Variants in PNOC observed in about 807,000 individuals in gnomAD.
PNOC encodes the protein prepronociceptin.
Under a neutral mutation model 15.6 loss-of-function variants are expected in PNOC, and 10 were observed. The ratio of observed to expected loss-of-function variants is 0.64; its 90% CI spans 0.40 to 1.09. The LOEUF (loss-of-function observed/expected upper bound fraction) is 1.09. PNOC is among the 50% of genes least tolerant of loss of function. The pLI, the probability that PNOC is intolerant of heterozygous loss-of-function variation, is 0.01. For missense variants in PNOC, 220 were observed against 223.9 expected (o/e 0.98, Z 0.11); for synonymous variants, 98 against 88.5 (o/e 1.11, Z -0.60).
At chr8:28,334,821 G>A (rs1392231948) in intron 2 of PNOC, among the ~76,000 whole-genome samples, 1 of 152,142 alleles carries the variant, frequency 6.6e-6, no homozygotes, top group African/African-American at 2.4e-5. Flanking sequence ...GAATACTCCA[G>A]AAGTTTGCAA....
chr8:28,327,806 C>T (rs2614096), intron 1 of PNOC, among the ~76,000 whole-genome samples: 1 of 151,424 alleles, frequency 6.6e-6, no homozygotes, highest in Non-Finnish European at 1.5e-5. Flanking sequence ...ATGAGCCACT[C>T]TGCCCTGCCA....
At chr8:28,335,028 G>A (rs138359032) in intron 2 of PNOC, among the ~76,000 whole-genome samples, 1,566 of 152,298 alleles carry the variant, frequency 0.01, 19 homozygotes, top group Non-Finnish European at 0.018. Context: ...AAACCACGGC[G>A]TGAGCATCAC....
chr8:28,321,206 A>ATTTTT (rs34876674), intron 1 of PNOC, among the ~76,000 whole-genome samples: 42 of 122,770 alleles, frequency 3.4e-4, no homozygotes, highest in East Asian at 1.2e-3. Context: ...ACCTAGCTAA[A>ATTTTT]TTTTTTTTTT....
At chr8:28,336,490 G>A (rs567231067) in intron 2 of PNOC, among the ~76,000 whole-genome samples, 6 of 152,280 alleles carry the variant, frequency 3.9e-5, no homozygotes, top group Non-Finnish European at 7.3e-5. Context: ...AGAGAGAAAG[G>A]CATGCAGGTG....
chr8:28,320,326 C>T lies in PNOC; in HGVS notation c.-24+3010C>T, dbSNP rs146922113. On this transcript the variant is annotated intron_variant, in intron 1 of 3. Coordinates refer to ENST00000301908, the MANE Select transcript of PNOC (RefSeq NM_006228.5). ...TTCCCCATTCATCCTTTCATTCATT[C>T]GGCCAAGGAACGTGTGTGGGGTTCC... 3.3e-3 allele frequency among the ~76,000 whole-genome samples: 506 copies of T among 151,782 alleles called. 3 individuals are homozygous for T. The highest frequency in any genetic ancestry group is 0.011 in the African/African-American group (450 of 41,368).
In PNOC at chr8:28,334,502, T is replaced by C. The variant is rs193016004; in HGVS notation, c.127-4538T>C. 4.0e-5 allele frequency among the ~76,000 whole-genome samples: 6 copies of C among 151,572 alleles called. No individual in the cohort carries two copies. In the East Asian group the frequency reaches 9.7e-4, roughly 24 times the overall value. On this transcript the variant is annotated intron_variant, in intron 2 of 3. Coordinates refer to ENST00000301908, the MANE Select transcript of PNOC (RefSeq NM_006228.5). ...TGCATTCTAACAAACTCCAGTAGCA[T>C]TTTTTTTTCTTTGAGACAGTCCCGT...
chr8:28,325,808 C>G (rs76607740), intron 1 of PNOC, among the ~76,000 whole-genome samples: 13,489 of 151,822 alleles, frequency 0.089, 675 homozygotes, highest in Middle Eastern at 0.12. Context: ...CCTTGGAGCT[C>G]CCCCTGACAG....
chr8:28,334,204 T>G (rs994359506), intron 2 of PNOC, among the ~76,000 whole-genome samples: 1 of 152,192 alleles, frequency 6.6e-6, no homozygotes, highest in African/African-American at 2.4e-5. Context: ...GATTCTGATC[T>G]GAAAGAATAT....
rs1801556776 is a variant in PNOC, at chr8:28,343,258, A to G, written c.*364A>G. Reference sequence around the variant, plus strand: ...ATTGAACCTGGGGTTTTGACTTGCCACTGCCATAACTTGTTTGTAAAAGAG... The same window carrying G: ...ATTGAACCTGGGGTTTTGACTTGCCGCTGCCATAACTTGTTTGTAAAAGAG... On this transcript the variant is annotated 3_prime_UTR_variant, in exon 4 of 4. Coordinates refer to ENST00000301908, the MANE Select transcript of PNOC (RefSeq NM_006228.5). 1.3e-5 allele frequency: 2 copies of G among 152,730 alleles called. No individual in the cohort carries two copies. The highest frequency in any genetic ancestry group is 6.5e-5 in the Admixed American group (1 of 15,292). The allele number at this position is 152,730 out of a possible 1,614,324, so 9.5% of individuals were successfully genotyped here. A position where few individuals can be genotyped will look rare whatever the true frequency, so the allele number is the denominator to read the frequency against.
At chr8:28,318,844 C>T (rs544160812) in intron 1 of PNOC, among the ~76,000 whole-genome samples, 1 of 152,236 alleles carries the variant, frequency 6.6e-6, no homozygotes, top group Non-Finnish European at 1.5e-5. Context: ...CAGCTGAAGG[C>T]TGAGAGTACT....
intron 2 of PNOC, among the ~76,000 whole-genome samples, chr8:28,338,204 C>G (rs1292522523): frequency 6.6e-6 from 1 of 152,118 alleles, no homozygotes; most frequent in Non-Finnish European, 1.5e-5. Flanking sequence ...AAGCTGGGGG[C>G]AGAGGCTTCC....
chr8:28,328,943 C>A (rs374718929), intron 1 of PNOC, among the ~76,000 whole-genome samples, 192 bp from the exon 2 acceptor site: 7 of 152,146 alleles, frequency 4.6e-5, no homozygotes, highest in Non-Finnish European at 8.8e-5. Context: ...GAACACTGAG[C>A]CTAGGTGATA....
intron 2 of PNOC, among the ~76,000 whole-genome samples, chr8:28,337,003 G>A (rs1401052108): frequency 6.6e-6 from 1 of 152,100 alleles, no homozygotes; most frequent in Non-Finnish European, 1.5e-5. Flanking sequence ...TCACCTGCTA[G>A]TAACAAACAT....
At chr8:28,330,400 T>TATTTTATTTTA (rs1431540071) in intron 2 of PNOC, among the ~76,000 whole-genome samples, 17 of 102,244 alleles carry the variant, frequency 1.7e-4, no homozygotes, top group African/African-American at 5.7e-4. Context: ...TATTTTATTT[T>TATTTTATTTTA]TTTTTTTTTT....
chr8:28,321,542 C>T (rs767274666), intron 1 of PNOC, among the ~76,000 whole-genome samples: 13 of 152,104 alleles, frequency 8.5e-5, no homozygotes, highest in Non-Finnish European at 1.3e-4. Context: ...TCTCCTTTTC[C>T]TCTTCCCTTC....
At chr8:28,324,894 T>G (rs1801200707) in intron 1 of PNOC, among the ~76,000 whole-genome samples, 1 of 152,162 alleles carries the variant, frequency 6.6e-6, no homozygotes. Context: ...GAGTGAATGC[T>G]GCATGCCAGG....
intron 1 of PNOC, among the ~76,000 whole-genome samples, chr8:28,326,795 G>A (rs1006986935): frequency 6.6e-6 from 1 of 152,172 alleles, no homozygotes; most frequent in East Asian, 1.9e-4. Flanking sequence ...GGGAGGTGAT[G>A]GTTGCAGTGA....
intron 1 of PNOC, among the ~76,000 whole-genome samples, chr8:28,320,565 GT>G (rs1476921713): frequency 6.6e-6 from 1 of 152,118 alleles, no homozygotes; most frequent in African/African-American, 2.4e-5. Flanking sequence ...AGTTAAAGAA[GT>G]TTGGCCGGGC....
chr8:28,334,049 AACACACACACACACACAC>A (rs71678743), intron 2 of PNOC, among the ~76,000 whole-genome samples: 4,930 of 146,980 alleles, frequency 0.034, 119 homozygotes, highest in Non-Finnish European at 0.049. Context: ...AGGTGCCAGT[AACACACACACACACACAC>A]ACACACACAC....
Sources: gnomAD v4.1 joint callset for allele counts (sites outside exome capture counted in the v4.1 genomes callset) on GRCh38, gnomAD v4.1.1 for gene constraint, MANE v1.5 for transcripts, NCBI Gene and HGNC (gene_info 2026-07-23, HGNC 2026-07-21) for gene names.